The following CLSTN2 variants were observed in gnomAD, a reference collection of about 807,000 sequenced individuals.
The protein encoded by CLSTN2 is calsyntenin 2, also known as calsyntenin-2.
Under a neutral mutation model 101.2 loss-of-function variants are expected in CLSTN2, and 48 were observed. The ratio of observed to expected loss-of-function variants is 0.47; its 90% CI spans 0.38 to 0.60. The LOEUF is 0.60. Among genes scored for constraint, CLSTN2 ranks in the 20% least tolerant of loss-of-function variants. CLSTN2 has a pLI of 0.00. For synonymous variants in CLSTN2, 481 were observed against 463.6 expected (o/e 1.04, Z -0.48); for missense variants, 1,160 against 1,238.2 (o/e 0.94, Z 0.95).
chr3:140,404,746 C>A lies in CLSTN2; in HGVS notation c.617C>A (p.Pro206His). The change falls in exon 4 of 17, where the codon CCT becomes CAT. Residue 206 changes from proline to histidine, a missense_variant. Physicochemically the swap from Pro to His is moderately conservative, Grantham distance 77. Coordinates refer to ENST00000458420, the MANE Select transcript of CLSTN2 (RefSeq NM_022131.3). ...TATGAAATCGTCACCACAGATGTGC[C>A]TTTTGCCATCGACAGAAATGGTGAG... ...CNYEIVTTDVPFAIDRNGNIR... is the reference protein window; with the variant it reads ...CNYEIVTTDVHFAIDRNGNIR... 1 of 1,614,184 alleles carries A rather than the reference C, an allele frequency of 6.2e-7. No homozygotes were observed. Among genetic ancestry groups the A allele is most frequent in the Non-Finnish European group, 8.5e-7 (1 of 1,180,012 alleles).
intron 8 of CLSTN2, among the ~76,000 whole-genome samples, chr3:140,523,699 A>ATG (rs1935082441): frequency 6.6e-6 from 1 of 152,212 alleles, no homozygotes; most frequent in Admixed American, 6.5e-5. Flanking sequence ...AAGTCAGAAC[A>ATG]TGATTCCCTA....
chr3:139,993,203 T>C (rs2107829084), intron 1 of CLSTN2, among the ~76,000 whole-genome samples: 1 of 152,222 alleles, frequency 6.6e-6, no homozygotes, highest in South Asian at 2.1e-4. Context: ...CCTTCCCTCC[T>C]ATTCCAAGAG....
intron 8 of CLSTN2, among the ~76,000 whole-genome samples, chr3:140,473,888 G>A (rs751983402): frequency 4.6e-5 from 7 of 152,060 alleles, no homozygotes; most frequent in Non-Finnish European, 1.0e-4. Flanking sequence ...CTCCTGAGTA[G>A]CTGGGACTAC....
intron 2 of CLSTN2, among the ~76,000 whole-genome samples, chr3:140,386,644 T>TGTGCTGTGCTGTGCTGAGCC (rs1452094598): frequency 5.9e-4 from 90 of 152,292 alleles, no homozygotes; most frequent in African/African-American, 2.0e-3. Context: ...TGTGCCATGC[T>TGTGCTGTGCTGTGCTGAGCC]GTGCTGTGCT....
intron 1 of CLSTN2, among the ~76,000 whole-genome samples, chr3:140,138,205 G>A (rs1310442097): frequency 6.6e-6 from 1 of 152,172 alleles, no homozygotes; most frequent in East Asian, 1.9e-4. Flanking sequence ...CCAAATGACA[G>A]CAGATTTCTC....
rs370190910 is a variant in CLSTN2, at chr3:140,314,309, T to C, written c.233-89320T>C. Among the ~76,000 whole-genome samples, 25 of 152,344 alleles carry C rather than the reference T, an allele frequency of 1.6e-4. 1 individual carries two copies. Among genetic ancestry groups the C allele is most frequent in the East Asian group, 9.6e-4 (5 of 5,184 alleles). ...CTGACGTGTTGCCTCCCTTACTTGC[T>C]ACCTTGGACTTGTTTCTATTATCAT... On this transcript the variant is annotated intron_variant, in intron 2 of 16. Transcript: ENST00000458420.
intron 1 of CLSTN2, among the ~76,000 whole-genome samples, chr3:140,100,172 A>G (rs1576426743): frequency 6.6e-6 from 1 of 150,562 alleles, no homozygotes; most frequent in South Asian, 2.1e-4. Context: ...GAACCATGCA[A>G]CTTTTGTAAA....
intron 1 of CLSTN2, among the ~76,000 whole-genome samples, chr3:139,950,440 G>A (rs779373198): frequency 6.6e-6 from 1 of 152,126 alleles, no homozygotes; most frequent in Admixed American, 6.6e-5. Flanking sequence ...TCCCTACATG[G>A]GCTGAGGTTG....
chr3:140,136,388 A>G (rs920641784), intron 1 of CLSTN2, among the ~76,000 whole-genome samples: 3 of 152,352 alleles, frequency 2.0e-5, no homozygotes, highest in South Asian at 2.1e-4. Flanking sequence ...AATGGACACA[A>G]TGGTATTTCT....
chr3:140,264,484 G>T (rs1342660158), intron 2 of CLSTN2, among the ~76,000 whole-genome samples: 1 of 142,502 alleles, frequency 7.0e-6, no homozygotes, highest in Admixed American at 7.5e-5. Flanking sequence ...ATAAAACAAG[G>T]TATATAATGA....
chr3:140,349,469 A>G (rs1374614156), intron 2 of CLSTN2, among the ~76,000 whole-genome samples: 2 of 152,184 alleles, frequency 1.3e-5, no homozygotes, highest in Admixed American at 6.5e-5. Context: ...TCCTTTTGCA[A>G]TGGGGATAAT....
chr3:140,087,456 T>G (rs2008699939), intron 1 of CLSTN2, among the ~76,000 whole-genome samples: 1 of 152,232 alleles, frequency 6.6e-6, no homozygotes, highest in African/African-American at 2.4e-5. Flanking sequence ...CTCAGCATTC[T>G]GCATTGGAAG....
intron 1 of CLSTN2, among the ~76,000 whole-genome samples, chr3:139,938,416 C>T (rs145000891): frequency 4.5e-4 from 68 of 152,286 alleles, no homozygotes; most frequent in African/African-American, 1.5e-3. Context: ...CAGTTAATCC[C>T]GGACAACTAC....
chr3:140,298,867 A>G (rs1303262426), intron 2 of CLSTN2, among the ~76,000 whole-genome samples: 1 of 152,240 alleles, frequency 6.6e-6, no homozygotes, highest in East Asian at 1.9e-4. Flanking sequence ...TGAAGAGGCA[A>G]GGAAGGCCCT....
At chr3:140,558,101 C>T (rs1052239422) in intron 11 of CLSTN2, among the ~76,000 whole-genome samples, 4 of 152,188 alleles carry the variant, frequency 2.6e-5, no homozygotes, top group African/African-American at 9.7e-5. Flanking sequence ...TTGGTCACAC[C>T]ATTTCTGCCT....
chr3:140,043,949 C>T (rs963926902), intron 1 of CLSTN2, among the ~76,000 whole-genome samples: 10 of 152,164 alleles, frequency 6.6e-5, no homozygotes, highest in Non-Finnish European at 1.5e-4. Flanking sequence ...AGTTTGAAGT[C>T]AGGTAGCGTG....
intron 1 of CLSTN2, among the ~76,000 whole-genome samples, chr3:139,974,194 A>G (rs371945898): frequency 9.4e-4 from 143 of 152,330 alleles, no homozygotes; most frequent in African/African-American, 3.0e-3. Flanking sequence ...TGATGTAAAC[A>G]TTTGTGGGAA....
intron 2 of CLSTN2, among the ~76,000 whole-genome samples, chr3:140,290,603 A>G (rs2086938103): frequency 6.6e-6 from 1 of 152,176 alleles, no homozygotes; most frequent in Non-Finnish European, 1.5e-5. Flanking sequence ...AAATACACCA[A>G]TTACAATACA....
chr3:140,320,668 A>G (rs2087274249), intron 2 of CLSTN2, among the ~76,000 whole-genome samples: 1 of 151,876 alleles, frequency 6.6e-6, no homozygotes, highest in Non-Finnish European at 1.5e-5. Flanking sequence ...ATTTATATGC[A>G]TAATGTATGT....
Sources: allele counts gnomAD v4.1 joint callset (sites outside exome capture counted in the v4.1 genomes callset), GRCh38; gene constraint gnomAD v4.1.1; transcripts MANE v1.5; gene names NCBI Gene and HGNC (gene_info 2026-07-23, HGNC 2026-07-21).